Variants in RORB observed in about 807,000 individuals in gnomAD.
RORB encodes the protein RAR related orphan receptor B, also known as nuclear receptor ROR-beta.
A neutral mutation model predicts 59.1 loss-of-function variants in RORB; 6 were observed. The ratio of observed to expected loss-of-function variants is 0.10; its 90% confidence interval spans 0.06 to 0.20. The LOEUF (loss-of-function observed/expected upper bound fraction) is 0.20. Among genes scored for constraint, RORB ranks in the 10% least tolerant of loss-of-function variants. The pLI is 1.00. For synonymous variants in RORB, 215 were observed against 204.5 expected (o/e 1.05, Z -0.44); for missense variants, 320 against 560.5 (o/e 0.57, Z 4.33).
chr9:74,659,310 G>A (rs982568531), intron 4 of RORB, among the ~76,000 whole-genome samples: 1 of 152,180 alleles, frequency 6.6e-6, no homozygotes, highest in Non-Finnish European at 1.5e-5. Flanking sequence ...GCTGCTTTGA[G>A]GGCTGTCCTG....
chr9:74,672,137 A>G (rs1051001643), intron 9 of RORB, among the ~76,000 whole-genome samples: 1 of 152,202 alleles, frequency 6.6e-6, no homozygotes, highest in African/African-American at 2.4e-5. Flanking sequence ...CTTCAGGAGG[A>G]CAAATCAATG....
chr9:74,603,059 T>C (rs41441545), intron 1 of RORB, among the ~76,000 whole-genome samples: 3,904 of 152,234 alleles, frequency 0.026, 73 homozygotes, highest in Non-Finnish European at 0.04. Context: ...CTTGGAATTG[T>C]AGGGAATAAG....
At chr9:74,590,092 A>G (rs1196643108) in intron 1 of RORB, among the ~76,000 whole-genome samples, 1 of 152,222 alleles carries the variant, frequency 6.6e-6, no homozygotes, top group Non-Finnish European at 1.5e-5. Context: ...CAATGTATAG[A>G]AAGTATTTAA....
intron 1 of RORB, among the ~76,000 whole-genome samples, chr9:74,554,994 AC>A (rs1822262547): frequency 6.6e-6 from 1 of 152,166 alleles, no homozygotes; most frequent in South Asian, 2.1e-4. Context: ...CTAGAGAGAA[AC>A]GTGGGCGCAG....
intron 1 of RORB, among the ~76,000 whole-genome samples, chr9:74,586,600 C>CGTGTGTGTGTGTGTGTGTGTGT (rs1313500289): frequency 1.4e-5 from 2 of 141,200 alleles, no homozygotes; most frequent in African/African-American, 2.7e-5. Context: ...ATGTAATGTC[C>CGTGTGTGTGTGTGTGTGTGTGT]GTGTGTGTGT....
intron 9 of RORB, among the ~76,000 whole-genome samples, chr9:74,676,633 T>C (rs1220030704): frequency 1.3e-5 from 2 of 152,244 alleles, no homozygotes; most frequent in African/African-American, 2.4e-5. Flanking sequence ...CATAGCTCTA[T>C]GCTGATAAAT....
chr9:74,509,479 T>C (rs1825906713), intron 1 of RORB, among the ~76,000 whole-genome samples: 1 of 152,126 alleles, frequency 6.6e-6, no homozygotes, highest in Non-Finnish European at 1.5e-5. Flanking sequence ...GAAATAGCTA[T>C]GAAGACAATA....
chr9:74,671,461 C>T (rs1175788659), intron 8 of RORB, among the ~76,000 whole-genome samples: 1 of 152,132 alleles, frequency 6.6e-6, no homozygotes, highest in Non-Finnish European at 1.5e-5. Context: ...AAATCGCTAA[C>T]TTCTACTTTG....
At position 74,642,724 on chromosome 9, in the gene RORB, T is replaced by C. The variant is rs138573421; in HGVS notation, c.546T>C (p.Pro182=). ...MTGIKQIKQE[P]IYDLTSVPNL... ...GAATCAAACAGATAAAGCAAGAACC[T>C]ATCTATGACCTCACATCCGTACCCA... Residue 182 remains proline, a synonymous_variant, in exon 4 of 10, where the codon CCT becomes CCC. Transcript: ENST00000376896. The C allele has an allele frequency of 2.6e-4, 412 of 1,614,162 alleles. 1 individual carries two copies. The highest frequency in any genetic ancestry group is 2.1e-3 in the South Asian group (188 of 91,088).
At chr9:74,635,190 A>T (rs1291740152) in intron 3 of RORB, among the ~76,000 whole-genome samples, 1 of 152,130 alleles carries the variant, frequency 6.6e-6, no homozygotes, top group Non-Finnish European at 1.5e-5. Flanking sequence ...TACTGTGTGG[A>T]GACACTAAGG....
At chr9:74,650,162 T>C (rs151113506) in intron 4 of RORB, among the ~76,000 whole-genome samples, 48 of 152,322 alleles carry the variant, frequency 3.2e-4, no homozygotes, top group African/African-American at 1.1e-3. Flanking sequence ...CAGGGAATGT[T>C]TCTACTTATG....
intron 1 of RORB, among the ~76,000 whole-genome samples, chr9:74,584,808 G>A (rs947563427): frequency 6.6e-6 from 1 of 152,226 alleles, no homozygotes; most frequent in Non-Finnish European, 1.5e-5. Flanking sequence ...AAAAAGGGAG[G>A]CAGGAGCCAC....
At chr9:74,610,123 G>A (rs941113177) in intron 1 of RORB, among the ~76,000 whole-genome samples, 2 of 152,126 alleles carry the variant, frequency 1.3e-5, no homozygotes, top group Admixed American at 1.3e-4. Context: ...TTAATCTCAC[G>A]ACACTTTCTC....
chr9:74,676,661 G>A (rs1824447284), intron 9 of RORB, among the ~76,000 whole-genome samples: 2 of 152,216 alleles, frequency 1.3e-5, no homozygotes, highest in African/African-American at 4.8e-5. Flanking sequence ...AATTCTCCTA[G>A]GATGTAGAGG....
chr9:74,605,182 T>A (rs1354705428), intron 1 of RORB, among the ~76,000 whole-genome samples: 1 of 152,160 alleles, frequency 6.6e-6, no homozygotes, highest in Non-Finnish European at 1.5e-5. Context: ...GTATTAATGA[T>A]GATAAGTAAA....
At chr9:74,548,168 G>T (rs12343706) in intron 1 of RORB, among the ~76,000 whole-genome samples, 1 of 151,970 alleles carries the variant, frequency 6.6e-6, no homozygotes, top group Non-Finnish European at 1.5e-5. Flanking sequence ...CGGCATGACC[G>T]TGTGGGGAGA....
At chr9:74,667,350 T>A (rs1361507339) in intron 7 of RORB, among the ~76,000 whole-genome samples, 1 of 152,214 alleles carries the variant, frequency 6.6e-6, no homozygotes, top group Non-Finnish European at 1.5e-5. Context: ...TACCCTACAT[T>A]GCTAGCTTCA....
At chr9:74,641,712 G>A (rs746981672) in intron 3 of RORB, among the ~76,000 whole-genome samples, 1 of 151,672 alleles carries the variant, frequency 6.6e-6, no homozygotes, top group Non-Finnish European at 1.5e-5. Context: ...ACCAGCCTGG[G>A]CAATATAGCA....
intron 1 of RORB, among the ~76,000 whole-genome samples, chr9:74,585,270 C>T (rs76825372): frequency 1.3e-5 from 2 of 152,114 alleles, no homozygotes; most frequent in Admixed American, 6.6e-5. Flanking sequence ...CCAAAGCAGG[C>T]CTTTTTATTC....
Sources: allele counts gnomAD v4.1 joint callset (sites outside exome capture counted in the v4.1 genomes callset), GRCh38; gene constraint gnomAD v4.1.1; transcripts MANE v1.5; gene names NCBI Gene and HGNC (gene_info 2026-07-23, HGNC 2026-07-21).